Variants in MTR observed in about 807,000 individuals in gnomAD.
MTR encodes the protein methionine synthase.
Under a neutral mutation model 154.8 loss-of-function variants are expected in MTR, and 84 were observed. The ratio of observed to expected loss-of-function variants is 0.54; its 90% CI spans 0.45 to 0.65. MTR has a LOEUF of 0.65. Ranked by LOEUF, MTR falls within the 30% of genes least tolerant of loss-of-function variation. MTR has a pLI of 0.00. For synonymous variants in MTR, 554 were observed against 553.9 expected (o/e 1.00, Z 0.00); for missense variants, 1,275 against 1,570.2 (o/e 0.81, Z 3.18).
chr1:236,806,909 G>GT lies in MTR; in HGVS notation c.339+677dup, dbSNP rs568726804. On this transcript the variant is annotated intron_variant, in intron 3 of 32. Transcript: ENST00000366577. ...TCAAGGTTCATCCATGTTGTAGTAT[G>GT]TATCAGAATTTCCTTCCTTTTTAAG... Among the ~76,000 whole-genome samples the GT allele has an allele frequency of 1.2e-4, 18 of 152,272 alleles. 1 individual carries two copies. The East Asian group carries it at 3.5e-3, about 29-fold the overall frequency.
chr1:236,808,798 T>C (rs1558275675), intron 4 of MTR, 25 bp downstream of exon 4: 1 of 1,607,800 alleles, frequency 6.2e-7, no homozygotes, highest in Non-Finnish European at 8.5e-7. Flanking sequence ...TCTCTTTTTT[T>C]GCACACGTGG....
At chr1:236,860,501 G>C (rs1664475416) in intron 19 of MTR, among the ~76,000 whole-genome samples, 1 of 152,018 alleles carries the variant, frequency 6.6e-6, no homozygotes, top group South Asian at 2.1e-4. Flanking sequence ...CCAATCCAAG[G>C]ATCATTGAAC....
At position 236,850,365 on chromosome 1, in the gene MTR, A is replaced by C. The variant is rs1663828181; in HGVS notation, c.1537A>C (p.Ile513Leu). Residue 513 changes from isoleucine (I) to leucine (L), a missense_variant, in exon 16 of 33, where the codon ATC becomes CTC. Ile to Leu is a conservative substitution (Grantham distance 5, BLOSUM62 2). Transcript: ENST00000366577. The part of the protein sequence containing the change: ...EGQATETDTK[I>L]RVCTRAYHLL... ...CTAGGCAACAGAAACAGACACAAAA[A>C]TCAGAGTGTGCACCCGGGCCTACCA... 1 of 1,613,374 alleles carries C rather than the reference A, an allele frequency of 6.2e-7. No homozygotes were observed. The highest frequency in any genetic ancestry group is 1.3e-5 in the African/African-American group (1 of 74,890).
At position 236,891,150 on chromosome 1, in the gene MTR, G is replaced by T. The variant is rs755606958; in HGVS notation, c.3025G>T (p.Val1009Phe). 1 of 1,614,166 alleles carries T rather than the reference G, an allele frequency of 6.2e-7. No homozygotes were observed. Among genetic ancestry groups the T allele is most frequent in the South Asian group, 1.1e-5 (1 of 91,082 alleles). ...TCTAATAGGTGGAGAGGCCAGGAAG[G>T]TCTACGATGATGCCCACAATATGCT... ...DKTVGGEARK[V>F]YDDAHNMLNT... The change falls in exon 29 of 33, where the codon GTC becomes TTC. Residue 1009 changes from valine to phenylalanine, a missense_variant. Coordinates refer to ENST00000366577, the MANE Select transcript of MTR (RefSeq NM_000254.3).
intron 8 of MTR, chr1:236,820,339 C>A: frequency 1.3e-6 from 1 of 755,946 alleles, no homozygotes; most frequent in African/African-American, 1.7e-5. Flanking sequence ...TGCTCCAGCT[C>A]CCGAGTTCAC....
intron 15 of MTR, among the ~76,000 whole-genome samples, chr1:236,849,445 G>C (rs1453193045): frequency 6.6e-6 from 1 of 152,216 alleles, no homozygotes; most frequent in Non-Finnish European, 1.5e-5. Flanking sequence ...GGTTTAGAGA[G>C]GGTGATTTAA....
intron 15 of MTR, 113 bp from the exon 16 acceptor site, chr1:236,850,231 A>G (rs1663817987): frequency 4.5e-6 from 3 of 674,132 alleles, no homozygotes; most frequent in South Asian, 8.5e-5. Flanking sequence ...AATGTATAAC[A>G]CTTAATATTT....
chr1:236,888,733 A>G (rs12094071), intron 27 of MTR, among the ~76,000 whole-genome samples: 4,557 of 152,244 alleles, frequency 0.03, 237 homozygotes, highest in African/African-American at 0.1. Context: ...ATTTGCCTAT[A>G]CTTTGAGCAT....
intron 15 of MTR, among the ~76,000 whole-genome samples, chr1:236,846,791 C>A (rs1461711327): frequency 6.6e-6 from 1 of 152,174 alleles, no homozygotes; most frequent in Non-Finnish European, 1.5e-5. Context: ...CCCTTGGAAA[C>A]TTCCTTTTCT....
chr1:236,877,581 G>T (rs1170667951), intron 24 of MTR, among the ~76,000 whole-genome samples: 6 of 151,612 alleles, frequency 4.0e-5, no homozygotes, highest in South Asian at 4.2e-4. Context: ...TTTTTTGTTG[G>T]TTTTTTTTCA....
chr1:236,858,166 T>G (rs986041562), intron 18 of MTR, among the ~76,000 whole-genome samples: 2 of 152,088 alleles, frequency 1.3e-5, no homozygotes, highest in Non-Finnish European at 2.9e-5. Flanking sequence ...ACTGGGTAAT[T>G]TATGAAGAAA....
intron 17 of MTR, 71 bp downstream of exon 17, chr1:236,852,708 A>G: frequency 7.2e-7 from 1 of 1,395,198 alleles, no homozygotes; most frequent in South Asian, 1.2e-5. Context: ...AAAGTGTGGC[A>G]TGCAGGCTAA....
At chr1:236,831,116 G>GT (rs1299035935) in intron 12 of MTR, among the ~76,000 whole-genome samples, 1 of 152,160 alleles carries the variant, frequency 6.6e-6, no homozygotes, top group African/African-American at 2.4e-5. Flanking sequence ...GTTCATTCAG[G>GT]TAAGTGATTT....
At chr1:236,821,543 T>A (rs1661950045) in intron 8 of MTR, among the ~76,000 whole-genome samples, 2 of 152,244 alleles carry the variant, frequency 1.3e-5, no homozygotes, top group African/African-American at 2.4e-5. Context: ...TACTGTCTTT[T>A]GCTGAACAGT....
intron 25 of MTR, among the ~76,000 whole-genome samples, chr1:236,882,290 A>G (rs567460856): frequency 1.3e-4 from 20 of 152,228 alleles, no homozygotes; most frequent in African/African-American, 4.8e-4. Context: ...CAGAGGCAAG[A>G]CTTTTGGATC....
chr1:236,855,337 C>T (rs909069024), intron 18 of MTR, among the ~76,000 whole-genome samples: 8 of 152,046 alleles, frequency 5.3e-5, no homozygotes, highest in African/African-American at 1.9e-4. Flanking sequence ...TTTTGAAAAA[C>T]AATTTTCCTA....
chr1:236,894,858 A>G lies in MTR; in HGVS notation c.3405+301A>G, dbSNP rs560766849. On this transcript the variant is annotated intron_variant, in intron 30 of 32. Transcript: ENST00000366577. ...CTCTCTTTGCTTGTTGTGATGTGAC[A>G]TTTTCCTCAGTACCCCAAAAAATTA... is the stretch of plus-strand genomic sequence containing the variant. 6.9e-5 allele frequency: 30 copies of G among 437,668 alleles called. No individual in the cohort carries two copies. In the East Asian group the frequency reaches 1.2e-3, roughly 17 times the overall value. 27.1% of individuals were successfully genotyped at this position (437,668 alleles called of 1,614,324 possible).
chr1:236,803,858 A>G (rs1050904986), intron 2 of MTR, among the ~76,000 whole-genome samples: 4 of 152,242 alleles, frequency 2.6e-5, no homozygotes, highest in African/African-American at 9.6e-5. Flanking sequence ...CCCTTGAGGC[A>G]TGTAAACTCT....
chr1:236,901,240 G>A lies in MTR; in HGVS notation c.*3596G>A, dbSNP rs892334068. 2.0e-5 allele frequency: 3 copies of A among 152,684 alleles called. No homozygotes were observed. Among genetic ancestry groups the A allele is most frequent in the Admixed American group, 6.5e-5 (1 of 15,288 alleles). The allele number at this position is 152,684 out of a possible 1,614,324, so 9.5% of individuals were successfully genotyped here. On this transcript the variant is annotated 3_prime_UTR_variant, in exon 33 of 33. Transcript: ENST00000366577. ...CCTTCTCACAGTGAGCCCCTCAAGA[G>A]CAGCGTCAGGGGATTGTGGGGACTG...
Sources: gnomAD v4.1 joint callset for allele counts (sites outside exome capture counted in the v4.1 genomes callset) on GRCh38, gnomAD v4.1.1 for gene constraint, MANE v1.5 for transcripts, NCBI Gene and HGNC (gene_info 2026-07-23, HGNC 2026-07-21) for gene names.